Variants in SLC4A10 observed in about 807,000 individuals in gnomAD.
SLC4A10 encodes sodium-driven chloride bicarbonate exchanger.
SLC4A10 carries 42 observed loss-of-function variants against 137.7 expected under a neutral mutation model. The observed-to-expected ratio is 0.30, with a 90% CI of 0.24 to 0.39. The LOEUF is 0.39. Among genes scored for constraint, SLC4A10 ranks in the 10% least tolerant of loss-of-function variants. The pLI, the probability that SLC4A10 is intolerant of heterozygous loss-of-function variation, is 1.00. For synonymous variants in SLC4A10, 474 were observed against 464.1 expected (o/e 1.02, Z -0.27); for missense variants, 925 against 1,355.0 (o/e 0.68, Z 4.98).
chr2:161,716,898 A>G (rs142409352), intron 1 of SLC4A10, among the ~76,000 whole-genome samples: 1 of 152,172 alleles, frequency 6.6e-6, no homozygotes, highest in East Asian at 1.9e-4. Flanking sequence ...CAGTATGGCC[A>G]TTTTCATGAT....
intron 4 of SLC4A10, 118 bp downstream of exon 4, chr2:161,840,045 G>T (rs769618715): frequency 2.4e-5 from 30 of 1,260,132 alleles, no homozygotes; most frequent in Non-Finnish European, 3.4e-5. Context: ...TTTAGAAGTT[G>T]CTCATCTAGC....
At chr2:161,715,374 T>C (rs2044735711) in intron 1 of SLC4A10, among the ~76,000 whole-genome samples, 1 of 152,118 alleles carries the variant, frequency 6.6e-6, no homozygotes, top group African/African-American at 2.4e-5. Flanking sequence ...GGGATACATG[T>C]GCAGGATACG....
intron 8 of SLC4A10, among the ~76,000 whole-genome samples, chr2:161,876,202 C>A (rs2061439505): frequency 6.6e-6 from 1 of 152,086 alleles, no homozygotes; most frequent in Non-Finnish European, 1.5e-5. Flanking sequence ...TCTTCAAGAT[C>A]CTATTCAGAG....
rs780317420 is a variant in SLC4A10, at chr2:161,855,160, T to C, written c.577+30T>C. The C allele has an allele frequency of 5.8e-6, 9 of 1,561,304 alleles. No individual in the cohort carries two copies. The Middle Eastern group carries it at 5.2e-4, about 89-fold the overall frequency. ...ATCTTTTCCCCCTTAGTGTATTTTATAGGTACAGCTAATTTTTTGTTACTC... is the reference window on the plus strand; with the variant it reads ...ATCTTTTCCCCCTTAGTGTATTTTACAGGTACAGCTAATTTTTTGTTACTC... On this transcript the variant is annotated intron_variant, in intron 5 of 26. Transcript: ENST00000446997.
intron 15 of SLC4A10, among the ~76,000 whole-genome samples, chr2:161,941,391 G>C (rs768587568): frequency 6.6e-6 from 1 of 152,124 alleles, no homozygotes; most frequent in Non-Finnish European, 1.5e-5. Flanking sequence ...ATACTAAATG[G>C]ATTGGTTTAG....
chr2:161,817,283 G>A (rs931955297), intron 3 of SLC4A10, among the ~76,000 whole-genome samples: 1 of 152,162 alleles, frequency 6.6e-6, no homozygotes, highest in Non-Finnish European at 1.5e-5. Context: ...GTCTTCTTTT[G>A]AGAAGTGTCT....
At chr2:161,866,258 C>T (rs964416009) in intron 6 of SLC4A10, among the ~76,000 whole-genome samples, 2 of 151,968 alleles carry the variant, frequency 1.3e-5, no homozygotes, top group Admixed American at 6.6e-5. Context: ...ACGGGGTCTT[C>T]CCCATTTTAA....
chr2:161,644,952 G>T (rs1200699427), intron 1 of SLC4A10, among the ~76,000 whole-genome samples: 3 of 152,094 alleles, frequency 2.0e-5, no homozygotes, highest in African/African-American at 7.2e-5. Context: ...AAACAAGAAG[G>T]ACTGGATCTT....
chr2:161,674,697 T>C (rs182767660), intron 1 of SLC4A10, among the ~76,000 whole-genome samples: 274 of 152,302 alleles, frequency 1.8e-3, no homozygotes, highest in Non-Finnish European at 2.7e-3. Context: ...ATACCCTGAT[T>C]TGGGAGGAAA....
chr2:161,887,345 T>C (rs1303120741), intron 10 of SLC4A10, among the ~76,000 whole-genome samples: 1 of 152,164 alleles, frequency 6.6e-6, no homozygotes, highest in East Asian at 1.9e-4. Context: ...ACGGGGTTGC[T>C]GGGTCAAATG....
At chr2:161,892,078 G>A (rs1307730874) in intron 10 of SLC4A10, among the ~76,000 whole-genome samples, 1 of 152,000 alleles carries the variant, frequency 6.6e-6, no homozygotes, top group Non-Finnish European at 1.5e-5. Context: ...GGAAACAATA[G>A]TAAGTACTAT....
At chr2:161,695,219 G>A (rs2042368905) in intron 1 of SLC4A10, among the ~76,000 whole-genome samples, 1 of 151,940 alleles carries the variant, frequency 6.6e-6, no homozygotes, top group Non-Finnish European at 1.5e-5. Context: ...TGTTTCTGAA[G>A]TTTTCTGTTC....
chr2:161,983,968 C>A lies in SLC4A10; in HGVS notation c.*816C>A, dbSNP rs1213178292. On this transcript the variant is annotated 3_prime_UTR_variant, in exon 27 of 27. Coordinates refer to ENST00000446997, the MANE Select transcript of SLC4A10 (RefSeq NM_001178015.2). ...GTTTTGTGGGATTTTTCAATATAAA[C>A]CTTTATCAGAAATATACTAAGTTTG... The A allele has an allele frequency of 3.3e-5, 5 of 152,094 alleles. No homozygotes were observed. The highest frequency in any genetic ancestry group is 4.4e-5 in the Non-Finnish European group (3 of 68,006). 9.4% of individuals were successfully genotyped at this position (152,094 alleles called of 1,614,324 possible).
intron 11 of SLC4A10, among the ~76,000 whole-genome samples, chr2:161,900,168 A>G (rs1481020547): frequency 2.6e-5 from 4 of 152,074 alleles, no homozygotes; most frequent in African/African-American, 7.2e-5. Context: ...TTTTTAAGAA[A>G]TCATATTCAC....
intron 11 of SLC4A10, among the ~76,000 whole-genome samples, chr2:161,899,465 A>G (rs2063872852): frequency 6.6e-6 from 1 of 152,042 alleles, no homozygotes; most frequent in Non-Finnish European, 1.5e-5. Context: ...GAGAACAATG[A>G]TCTCCACCAT....
intron 15 of SLC4A10, chr2:161,931,489 A>G (rs1295669265): frequency 1.3e-5 from 2 of 152,202 alleles, no homozygotes; most frequent in Admixed American, 6.5e-5. Context: ...GGAGCCAAGC[A>G]TTGCCCCAAT....
chr2:161,694,759 C>T (rs2042324875), intron 1 of SLC4A10, among the ~76,000 whole-genome samples: 2 of 152,012 alleles, frequency 1.3e-5, no homozygotes, highest in Admixed American at 1.3e-4. Context: ...TGGTAACCAT[C>T]AGTCAACAGA....
At chr2:161,775,832 A>G (rs1205732243) in intron 2 of SLC4A10, among the ~76,000 whole-genome samples, 1 of 151,782 alleles carries the variant, frequency 6.6e-6, no homozygotes, top group African/African-American at 2.4e-5. Flanking sequence ...TTCTGCAGGC[A>G]TAAGGGTAAA....
At chr2:161,945,089 A>G (rs1438731100) in intron 16 of SLC4A10, among the ~76,000 whole-genome samples, 1 of 149,770 alleles carries the variant, frequency 6.7e-6, no homozygotes, top group Non-Finnish European at 1.5e-5. Flanking sequence ...AGTGTCAAAC[A>G]TTTGATAGAA....
Sources: allele counts gnomAD v4.1 joint callset (sites outside exome capture counted in the v4.1 genomes callset), GRCh38; gene constraint gnomAD v4.1.1; transcripts MANE v1.5; gene names NCBI Gene and HGNC (gene_info 2026-07-23, HGNC 2026-07-21).